Variants in ZNF208 observed in about 807,000 individuals in gnomAD.
The protein encoded by ZNF208 is zinc finger protein 208.
In ZNF208, 10 loss-of-function variants were observed where a neutral mutation model predicts 12.1. The observed-to-expected ratio is 0.83, with a 90% CI of 0.51 to 1.40. The LOEUF (loss-of-function observed/expected upper bound fraction) is 1.40, where lower values mean the gene tolerates loss of function less well. Ranked by LOEUF, ZNF208 falls within the 40% of genes most tolerant of loss-of-function variation. ZNF208 has a pLI of 0.00. For missense variants in ZNF208, 1,652 were observed against 1,485.0 expected (o/e 1.11, Z -1.85); for synonymous variants, 497 against 488.4 (o/e 1.02, Z -0.23).
In ZNF208 at chr19:21,973,912, G is replaced by T. The variant is rs565329409; in HGVS notation, c.1122C>A (p.Cys374Ter). Reference protein sequence around the residue: ...TGEKPYKCEECGKAYKWPSTL... With the variant: ...TGEKPYKCEE ...TTGAGGGCCACTTATAGGCTTTGCC[G>T]CATTCTTCACATTTGTAGGGTTTCT... The change falls in exon 4 of 4, where the codon TGC becomes TGA. Residue 374 changes from cysteine (C) to a stop codon, truncating the protein, a stop_gained. Transcript: ENST00000397126. LOFTEE classifies it low-confidence loss of function (END_TRUNC). 3.8e-6 allele frequency: 6 copies of T among 1,582,706 alleles called. No homozygotes were observed. Among genetic ancestry groups the T allele is most frequent in the Non-Finnish European group, 4.3e-6 (5 of 1,166,854 alleles).
At position 21,973,472 on chromosome 19, in the gene ZNF208, C is replaced by T; in HGVS notation, c.1562G>A (p.Gly521Glu). The T allele has an allele frequency of 6.2e-7, 1 of 1,612,714 alleles. No homozygotes were observed. ...NLMEHKRIHT[G>E]EKPYKCEECG... ...TTCTTCACATTTGTAGGGTTTCTCT[C>T]CAGTATGAATTCTCTTATGTTCCAT... Residue 521 changes from glycine to glutamate, a missense_variant, in exon 4 of 4, where the codon GGA (glycine) becomes GAA (glutamate). This residue lies in a region of ZNF208 where 1,239 missense variants were observed against 1,086.2 expected (regional missense o/e 1.14). Transcript: ENST00000397126.
At chr19:21,991,996 C>A (rs1970747228) in intron 1 of ZNF208, among the ~76,000 whole-genome samples, 1 of 151,894 alleles carries the variant, frequency 6.6e-6, no homozygotes, top group South Asian at 2.1e-4. Context: ...TGTCAAATAT[C>A]CAGTAATTGA....
rs763112834 is a variant in ZNF208 at position 21,973,810 on chromosome 19, C to T, written c.1224G>A (p.Met408Ile). The change falls in exon 4 of 4, where the codon ATG (methionine) becomes ATA (isoleucine). Residue 408 changes from methionine to isoleucine, a missense_variant. Physicochemically the swap from Met to Ile is conservative, Grantham distance 10. Transcript: ENST00000397126. ...KCEECGKGFS[M>I]FSILTKHEVI... The stretch of plus-strand genomic sequence containing the variant: ...CCTCATGTTTAGTAAGGATTGAGAA[C>T]ATACTAAAACCTTTGCCACATTCTT... 1 of 1,605,454 alleles carries T rather than the reference C, an allele frequency of 6.2e-7. No homozygotes were observed. The highest frequency in any genetic ancestry group is 8.5e-7 in the Non-Finnish European group (1 of 1,173,600).
At chr19:21,955,687 T>G (rs1216039618) in intron 4 of ZNF208, among the ~76,000 whole-genome samples, 1 of 152,198 alleles carries the variant, frequency 6.6e-6, no homozygotes. Flanking sequence ...ATTAGGTCAT[T>G]TAAGGTCTTC....
intron 1 of ZNF208, among the ~76,000 whole-genome samples, chr19:21,994,981 T>G (rs901617457): frequency 1.3e-5 from 2 of 149,762 alleles, no homozygotes; most frequent in Non-Finnish European, 3.0e-5. Flanking sequence ...AGACTGAGTC[T>G]CACTTTGTTG....
intron 3 of ZNF208, among the ~76,000 whole-genome samples, chr19:21,982,048 G>A (rs1467654886): frequency 7.2e-5 from 11 of 151,984 alleles, no homozygotes; most frequent in African/African-American, 2.7e-4. Context: ...AAATAAGAGA[G>A]GACACAAAAA....
At position 21,968,188 on chromosome 19, in the gene ZNF208, A is replaced by C. The variant is rs535459345; in HGVS notation, c.*3003T>G. 6.7e-4 allele frequency: 102 copies of C among 152,226 alleles called. 1 individual carries two copies. The highest frequency in any genetic ancestry group is 2.4e-3 in the African/African-American group (99 of 41,562). The allele number at this position is 152,226 out of a possible 1,614,324, so 9.4% of individuals were successfully genotyped here. The stretch of plus-strand genomic sequence containing the variant: ...GACAATTCTTTCATCAGTAAAGATA[A>C]TTTGACTTTCTTTGTTTTCTGTTTG... On this transcript the variant is annotated 3_prime_UTR_variant, in exon 4 of 4. Coordinates refer to ENST00000397126, the MANE Select transcript of ZNF208 (RefSeq NM_007153.3).
chr19:21,971,902 A>G lies in ZNF208; in HGVS notation c.3132T>C (p.Leu1044=). 6.5e-7 allele frequency: 1 copy of G among 1,529,604 alleles called. No individual in the cohort carries two copies. The allele number at this position is 1,529,604 out of a possible 1,614,324, so 94.8% of individuals were successfully genotyped here. A position where few individuals can be genotyped will look rare whatever the true frequency, so the allele number is the denominator to read the frequency against. Residue 1044 remains leucine, a synonymous_variant, in exon 4 of 4, where the codon CTT becomes CTC. Transcript: ENST00000397126. ...CDKAFSWPSS[L]TEHKATHAGE... is the part of the protein sequence containing the mutation. ...CAGCATGAGTTGCCTTATGTTCAGTAAGGCTTGAGGGCCAGCTGAAGGCTT... is the reference window on the plus strand; with the variant it reads ...CAGCATGAGTTGCCTTATGTTCAGTGAGGCTTGAGGGCCAGCTGAAGGCTT...
downstream of ZNF208, among the ~76,000 whole-genome samples, chr19:21,961,603 A>C (rs1970071924): frequency 6.6e-6 from 1 of 152,098 alleles, no homozygotes. Flanking sequence ...GCAGGAGACC[A>C]GGGCATATTT....
rs1305952954 is a variant in ZNF208, at chr19:21,976,349, A to G, written c.227-1542T>C. Among the ~76,000 whole-genome samples the G allele has an allele frequency of 2.0e-5, 3 of 152,148 alleles. No homozygotes were observed. The South Asian group carries it at 6.2e-4, about 31-fold the overall frequency. ...ATCCCCAAGGTACCACACACACAAA[A>G]TATCTGTATACATACAGAAAAGAAA... On this transcript the variant is annotated intron_variant, in intron 3 of 3. Coordinates refer to ENST00000397126, the MANE Select transcript of ZNF208 (RefSeq NM_007153.3).
At chr19:21,963,610 A>G (rs958333966), downstream of ZNF208, among the ~76,000 whole-genome samples, 36 of 152,036 alleles carry the variant, frequency 2.4e-4, no homozygotes, top group African/African-American at 8.2e-4. Flanking sequence ...TCTTAATTTA[A>G]TTGAACTGTC....
At chr19:21,952,104 C>T (rs1467395226) in intron 4 of ZNF208, among the ~76,000 whole-genome samples, 1 of 152,216 alleles carries the variant, frequency 6.6e-6, no homozygotes. Context: ...GGAGGGGCAT[C>T]CACCATTGCT....
At position 21,974,755 on chromosome 19, in the gene ZNF208, ATCT is replaced by A. The variant is rs1180633607; in HGVS notation, c.276_278del (p.Glu92del). ...TTCTCAATATCACTTTTTGGAAAGA[ATCT>A]TCTATGCCCTGCTCTGGCCAAAGAT... On this transcript the variant is annotated inframe_deletion, in exon 4 of 4. Coordinates refer to ENST00000397126, the MANE Select transcript of ZNF208 (RefSeq NM_007153.3). The A allele has an allele frequency of 6.2e-6, 10 of 1,609,382 alleles. No homozygotes were observed. The highest frequency in any genetic ancestry group is 1.3e-5 in the African/African-American group (1 of 74,790).
chr19:21,955,948 T>A (rs1969968483), intron 4 of ZNF208, among the ~76,000 whole-genome samples: 1 of 152,220 alleles, frequency 6.6e-6, no homozygotes, highest in Non-Finnish European at 1.5e-5. Flanking sequence ...CTGCTCTGGT[T>A]TCTCCCCATC....
chr19:21,983,961 G>A (rs181013075), intron 3 of ZNF208, among the ~76,000 whole-genome samples: 2 of 151,958 alleles, frequency 1.3e-5, no homozygotes, highest in Non-Finnish European at 2.9e-5. Flanking sequence ...AAACAAACCT[G>A]CACGTTCTGC....
chr19:21,995,626 C>T (rs1455230799), intron 1 of ZNF208, among the ~76,000 whole-genome samples: 1 of 152,160 alleles, frequency 6.6e-6, no homozygotes, highest in Non-Finnish European at 1.5e-5. Flanking sequence ...TACTTTGGCT[C>T]AACTCCAGAA....
At chr19:21,975,697 T>G (rs564927988) in intron 3 of ZNF208, among the ~76,000 whole-genome samples, 1 of 151,514 alleles carries the variant, frequency 6.6e-6, no homozygotes, top group African/African-American at 2.4e-5. Context: ...TAACACTCAA[T>G]GAGTGAAATA....
intron 1 of ZNF208, among the ~76,000 whole-genome samples, chr19:22,007,463 G>A (rs1430829310): frequency 1.7e-5 from 2 of 118,534 alleles, no homozygotes; most frequent in African/African-American, 6.8e-5. Flanking sequence ...GTGAGATCCC[G>A]CCACTGCACT....
At chr19:22,004,867 T>A (rs1037402660) in intron 1 of ZNF208, among the ~76,000 whole-genome samples, 7 of 152,080 alleles carry the variant, frequency 4.6e-5, no homozygotes. Context: ...CATGACATAA[T>A]TTTAGCTGTA....
Sources: gnomAD v4.1 joint callset for allele counts (sites outside exome capture counted in the v4.1 genomes callset) on GRCh38, gnomAD v4.1.1 for gene constraint, gnomAD v4.1.1 regional missense constraint, MANE v1.5 for transcripts, NCBI Gene and HGNC (gene_info 2026-07-23, HGNC 2026-07-21) for gene names.